Variants in ROBO2 observed in about 807,000 individuals in gnomAD.
The protein encoded by ROBO2 is roundabout guidance receptor 2.
A neutral mutation model predicts 160.8 loss-of-function variants in ROBO2; 53 were observed. That is an observed-to-expected ratio of 0.33 (90% CI 0.26 to 0.41). The LOEUF is 0.41. Among genes scored for constraint, ROBO2 ranks in the 10% least tolerant of loss-of-function variants. The pLI, the probability that ROBO2 is intolerant of heterozygous loss-of-function variation, is 1.00. For synonymous variants in ROBO2, 664 were observed against 611.7 expected, an observed-to-expected ratio of 1.09 and a Z score of -1.26; for missense variants, 1,577 against 1,722.4, an observed-to-expected ratio of 0.92 and a Z score of 1.49.
intron 5 of ROBO2, among the ~76,000 whole-genome samples, chr3:77,502,331 G>C (rs2087737747): frequency 6.6e-6 from 1 of 152,090 alleles, no homozygotes; most frequent in Non-Finnish European, 1.5e-5. Flanking sequence ...ACATGTTAAA[G>C]TTTTGAAAAT....
At chr3:76,033,196 T>G (rs1156548019) in intron 2 of ROBO2, among the ~76,000 whole-genome samples, 1 of 152,134 alleles carries the variant, frequency 6.6e-6, no homozygotes, top group East Asian at 1.9e-4. Flanking sequence ...GGGACATAAC[T>G]TCTAAAGAAA....
intron 2 of ROBO2, among the ~76,000 whole-genome samples, chr3:76,772,344 G>A (rs1423931245): frequency 6.7e-6 from 1 of 149,786 alleles, no homozygotes; most frequent in Non-Finnish European, 1.5e-5. Flanking sequence ...ATCATGAACA[G>A]TAAGAAAAAT....
At chr3:77,589,721 G>A (rs1583141969) in intron 17 of ROBO2, among the ~76,000 whole-genome samples, 1 of 152,064 alleles carries the variant, frequency 6.6e-6, no homozygotes, top group Non-Finnish European at 1.5e-5. Context: ...CAGTGATTGA[G>A]AGAATGAACT....
chr3:76,106,886 A>T (rs1049335602), intron 2 of ROBO2, among the ~76,000 whole-genome samples: 3 of 152,110 alleles, frequency 2.0e-5, no homozygotes, highest in African/African-American at 7.2e-5. Flanking sequence ...CTTGTTTGCT[A>T]CCACAAGGGG....
intron 2 of ROBO2, among the ~76,000 whole-genome samples, chr3:76,357,895 T>A (rs1201069806): frequency 2.0e-5 from 3 of 148,954 alleles, no homozygotes; most frequent in East Asian, 2.0e-4. Context: ...AACTTTAAAA[T>A]ATATATATAT....
At position 77,068,485 on chromosome 3, in the gene ROBO2, C is replaced by CT. The variant is rs1257735597; in HGVS notation, c.61+27646dup. 6.6e-5 allele frequency among the ~76,000 whole-genome samples: 10 copies of CT among 152,132 alleles called. 2 individuals are homozygous for CT. In the South Asian group the frequency reaches 2.1e-3, roughly 32 times the overall value. On this transcript the variant is annotated intron_variant, in intron 1 of 25. Transcript: ENST00000461745. ...AACATTGCATGGAATAAAGCAGAAT[C>CT]TTTTTTTCCATTGCTGGTTTCTAAA...
chr3:77,271,362 G>A (rs2059480670), intron 2 of ROBO2, among the ~76,000 whole-genome samples: 1 of 152,156 alleles, frequency 6.6e-6, no homozygotes, highest in Admixed American at 6.5e-5. Context: ...TAGTTGAAAG[G>A]TACAGTGTAT....
rs1204221141 is a variant in ROBO2, at chr3:76,284,320, TA to T, written c.109+346720del. Among the ~76,000 whole-genome samples the T allele has an allele frequency of 3.3e-5, 5 of 152,106 alleles. No individual in the cohort carries two copies. In the East Asian group the frequency reaches 9.7e-4, roughly 29 times the overall value. ...TTGCCTCTTTCACCTTTAATTATCC[TA>T]AGGAGATTCTGGTCTTTCCCTGATG... is the stretch of plus-strand genomic sequence containing the variant. On this transcript the variant is annotated intron_variant, in intron 2 of 26. Coordinates refer to the ROBO2 transcript ENST00000487694.
At position 77,417,682 on chromosome 3, in the gene ROBO2, T is replaced by C. The variant is rs2077370155; in HGVS notation, c.389-59732T>C. Among the ~76,000 whole-genome samples the C allele has an allele frequency of 2.0e-5, 3 of 152,122 alleles. No homozygotes were observed. The South Asian group carries it at 6.2e-4, about 31-fold the overall frequency. ...CTTTAAAAATCAGTAAACTTATTTT[T>C]TAACAAACTAAAGAACACTATGAAA... On this transcript the variant is annotated intron_variant, in intron 2 of 25. Coordinates refer to ENST00000461745, the Ensembl canonical transcript of ROBO2.
At chr3:76,017,287 C>T (rs909705573) in intron 2 of ROBO2, among the ~76,000 whole-genome samples, 3 of 152,248 alleles carry the variant, frequency 2.0e-5, no homozygotes, top group African/African-American at 7.2e-5. Flanking sequence ...CACTGGGGAT[C>T]GGAGCCTACC....
intron 2 of ROBO2, among the ~76,000 whole-genome samples, chr3:77,126,021 C>T (rs1351526688): frequency 6.6e-6 from 1 of 152,000 alleles, no homozygotes; most frequent in East Asian, 1.9e-4. Context: ...CACATTTGAC[C>T]CTAAATGACA....
chr3:77,036,559 G>T (rs1460701236), upstream of ROBO2, among the ~76,000 whole-genome samples: 2 of 151,900 alleles, frequency 1.3e-5, no homozygotes, highest in Non-Finnish European at 2.9e-5. Context: ...AAGGCCATTG[G>T]ATAACCTTAC....
chr3:76,253,030 G>A (rs770525543), intron 2 of ROBO2, among the ~76,000 whole-genome samples: 3 of 151,948 alleles, frequency 2.0e-5, no homozygotes, highest in Non-Finnish European at 4.4e-5. Flanking sequence ...AAAGTCAGCT[G>A]ATTTTAGAGT....
intron 2 of ROBO2, among the ~76,000 whole-genome samples, chr3:77,394,194 T>A (rs1438752611): frequency 6.6e-6 from 1 of 152,112 alleles, no homozygotes; most frequent in Non-Finnish European, 1.5e-5. Flanking sequence ...AAAAAAGCAA[T>A]CGTGCTTTTC....
chr3:76,965,888 A>G (rs1038211528), intron 2 of ROBO2, among the ~76,000 whole-genome samples: 2 of 127,408 alleles, frequency 1.6e-5, no homozygotes, highest in African/African-American at 5.9e-5. Context: ...TGTTTGCTTT[A>G]TTTTTAAATG....
Position 77,377,486 on chromosome 3 carries a change from C to T in ROBO2, c.389-99928C>T, listed in dbSNP as rs551111839. 9.2e-5 allele frequency among the ~76,000 whole-genome samples: 14 copies of T among 152,288 alleles called. No homozygotes were observed. The East Asian group carries it at 2.5e-3, about 27-fold the overall frequency. On this transcript the variant is annotated intron_variant, in intron 2 of 25. Transcript: ENST00000461745. Reference sequence around the variant, plus strand: ...AGTGATCTTAATCCATACAAGAGAACATCCTCATTCACTTTATAACTAGAT... The same window carrying T: ...AGTGATCTTAATCCATACAAGAGAATATCCTCATTCACTTTATAACTAGAT...
intron 2 of ROBO2, among the ~76,000 whole-genome samples, chr3:76,326,208 T>G (rs2107955641): frequency 6.6e-6 from 1 of 152,244 alleles, no homozygotes; most frequent in Non-Finnish European, 1.5e-5. Context: ...TAATTTATCT[T>G]CCACTTAAAA....
At chr3:77,129,835 C>A (rs1407942881) in intron 2 of ROBO2, among the ~76,000 whole-genome samples, 1 of 151,910 alleles carries the variant, frequency 6.6e-6, no homozygotes, top group Admixed American at 6.6e-5. Flanking sequence ...GACCATGACC[C>A]TTTTTTTGGT....
intron 2 of ROBO2, among the ~76,000 whole-genome samples, chr3:76,710,859 G>C (rs1035184438): frequency 6.6e-6 from 1 of 152,154 alleles, no homozygotes; most frequent in Non-Finnish European, 1.5e-5. Context: ...AGGATGATGC[G>C]ATAGAAAGTG....
Sources: gnomAD v4.1 joint callset for allele counts (sites outside exome capture counted in the v4.1 genomes callset) on GRCh38, gnomAD v4.1.1 for gene constraint, MANE v1.5 for transcripts, NCBI Gene and HGNC (gene_info 2026-07-23, HGNC 2026-07-21) for gene names.